Variants in DIABLO observed in about 807,000 individuals in gnomAD.
The protein encoded by DIABLO is diablo IAP-binding mitochondrial protein.
In DIABLO, 32 loss-of-function variants were observed where a neutral mutation model predicts 31.7. That is an observed-to-expected ratio of 1.01 (90% confidence interval 0.76 to 1.35). DIABLO has a LOEUF of 1.35. DIABLO is among the 40% of genes most tolerant of loss of function. The probability of loss-of-function intolerance (pLI) is 0.00; values close to 1 mark genes in which losing one functional copy is unlikely to be tolerated. For missense variants in DIABLO, 316 were observed against 286.4 expected (o/e 1.10, Z -0.75); for synonymous variants, 132 against 103.2 (o/e 1.28, Z -1.69).
intron 5 of DIABLO, chr12:122,209,940 C>A: frequency 1.6e-6 from 1 of 622,744 alleles, no homozygotes; most frequent in South Asian, 1.9e-5. Context: ...TACTTAGATT[C>A]GAATCATAAA....
At chr12:122,217,019 G>A in intron 3 of DIABLO, 150 bp from the exon 4 acceptor site, 2 of 673,628 alleles carry the variant, frequency 3.0e-6, no homozygotes, top group Non-Finnish European at 5.3e-6. Context: ...ATTATCCTAT[G>A]AAGTAAAGGT....
rs752361472 is a variant in DIABLO, at chr12:122,208,400, GCCTCCTGCTCCGACTCAGCCCGCT to G, written c.677_700del (p.Glu226_Glu233del). The G allele has an allele frequency of 4.9e-5, 79 of 1,612,562 alleles. 1 individual carries two copies. In the South Asian group the frequency reaches 8.5e-4, roughly 17 times the overall value. The stretch of plus-strand genomic sequence containing the variant: ...AGGCCCTCAATCCTCACGCAGGTAG[GCCTCCTGCTCCGACTCAGCCCGCT>G]CCTCCCCTTCCTCCTGTGTTTTCTG... On this transcript the variant is annotated inframe_deletion, in exon 6 of 6. Coordinates refer to ENST00000464942, the MANE Select transcript of DIABLO (RefSeq NM_001371333.1).
Position 122,212,025 on chromosome 12 carries a change from G to A in DIABLO, c.524-3448C>T, listed in dbSNP as rs553619933. Among the ~76,000 whole-genome samples the A allele has an allele frequency of 7.3e-4, 107 of 147,572 alleles. 1 individual carries two copies. The highest frequency in any genetic ancestry group is 2.6e-3 in the African/African-American group (103 of 40,044). On this transcript the variant is annotated intron_variant, in intron 5 of 5. Coordinates refer to ENST00000464942, the MANE Select transcript of DIABLO (RefSeq NM_001371333.1). Reference sequence around the variant, plus strand: ...TTTTTTTTTTTTTTAAATTACAGATGGAGTTTTGCCATGTTGGCCAGGCTG... The same window carrying A: ...TTTTTTTTTTTTTTAAATTACAGATAGAGTTTTGCCATGTTGGCCAGGCTG...
At chr12:122,222,698 G>A (rs942653494) in intron 2 of DIABLO, 4 of 152,112 alleles carry the variant, frequency 2.6e-5, no homozygotes, top group African/African-American at 7.2e-5. Flanking sequence ...GTTTCAGGAT[G>A]AAACTGTTCC....
chr12:122,225,638 G>A, intron 1 of DIABLO: 3 of 1,301,322 alleles, frequency 2.3e-6, no homozygotes, highest in Non-Finnish European at 2.0e-6. Context: ...CCCCCATGCC[G>A]TGTCCCTCCT....
intron 5 of DIABLO, among the ~76,000 whole-genome samples, chr12:122,212,101 G>C (rs1358542445): frequency 6.6e-6 from 1 of 151,280 alleles, no homozygotes; most frequent in Non-Finnish European, 1.5e-5. Context: ...CTTCCAAAGT[G>C]CTGGGATCAT....
chr12:122,217,842 G>A (rs1954249439), intron 3 of DIABLO: 1 of 215,108 alleles, frequency 4.6e-6, no homozygotes, highest in Non-Finnish European at 9.4e-6. Context: ...TTTTCTATTA[G>A]GTTAGATCAG....
rs951587640 is a variant in DIABLO, at chr12:122,218,399, T to C, written c.184-2A>G. 2.5e-6 allele frequency: 4 copies of C among 1,614,012 alleles called. No individual in the cohort carries two copies. Among genetic ancestry groups the C allele is most frequent in the Non-Finnish European group, 3.4e-6 (4 of 1,180,028 alleles). On this transcript the variant is annotated splice_acceptor_variant, in intron 2 of 5. Coordinates refer to ENST00000464942, the MANE Select transcript of DIABLO (RefSeq NM_001371333.1). LOFTEE classifies it high-confidence loss of function. ...ACTAAGGGAATGAGGCTCTGATTTCTGAAAGACACAAACATTGTCACTCAA... is the reference window on the plus strand; with the variant it reads ...ACTAAGGGAATGAGGCTCTGATTTCCGAAAGACACAAACATTGTCACTCAA...
rs11290492 is a variant in DIABLO, at chr12:122,212,631, G to GTT, written c.523+3855_523+3856dup. Among the ~76,000 whole-genome samples the GTT allele has an allele frequency of 3.8e-4, 55 of 144,916 alleles. 1 individual carries two copies. The highest frequency in any genetic ancestry group is 3.5e-3 in the Middle Eastern group (1 of 286). On this transcript the variant is annotated intron_variant, in intron 5 of 5. Transcript: ENST00000464942. The stretch of plus-strand genomic sequence containing the variant: ...ATTGTTCGCTTATTTATTTATTTTT[G>GTT]TTTTTTTTTTTGAGATGGAGTCTTG...
intron 1 of DIABLO, chr12:122,225,652 C>T: frequency 7.5e-7 from 1 of 1,338,916 alleles, no homozygotes; most frequent in Non-Finnish European, 9.6e-7. Context: ...CCCTCCTCCT[C>T]TCCACGTCTC....
Position 122,226,029 on chromosome 12 carries a change from A to C in DIABLO, c.-15T>G, listed in dbSNP as rs770137089. On this transcript the variant is annotated 5_prime_UTR_variant, in exon 1 of 6. Transcript: ENST00000464942. ...AGAGCCGCCATTGTGCAGCGCGCGG[A>C]CGCCAGACGCACACGCCGGAAGTGA... is the stretch of plus-strand genomic sequence containing the variant. The C allele has an allele frequency of 5.0e-6, 8 of 1,600,296 alleles. No homozygotes were observed. The African/African-American group carries it at 9.4e-5, about 19-fold the overall frequency.
intron 5 of DIABLO, among the ~76,000 whole-genome samples, chr12:122,212,632 T>C (rs1056567838): frequency 3.6e-5 from 2 of 55,468 alleles, no homozygotes; most frequent in African/African-American, 2.8e-4. Flanking sequence ...TTTATTTTTG[T>C]TTTTTTTTTT....
At chr12:122,216,687 CTT>C in intron 4 of DIABLO, 70 bp downstream of exon 4, 2 of 1,543,124 alleles carry the variant, frequency 1.3e-6, no homozygotes, top group East Asian at 2.2e-5. Flanking sequence ...ATTGATTAGA[CTT>C]AATTCAATAA....
Position 122,216,744 on chromosome 12 carries a change from G to T in DIABLO, c.426+15C>A, listed in dbSNP as rs914932075. ...AGGTGCACTAACACAGAAATGCCTA[G>T]AACTTTCTGCTTACCTCAGCTCTGG... On this transcript the variant is annotated intron_variant, in intron 4 of 5. Transcript: ENST00000464942. The T allele has an allele frequency of 6.2e-7, 1 of 1,611,490 alleles. No homozygotes were observed. The highest frequency in any genetic ancestry group is 1.1e-5 in the South Asian group (1 of 91,016).
At chr12:122,226,285 G>C (rs1212953080), upstream of DIABLO, 1 of 682,476 alleles carries the variant, frequency 1.5e-6, no homozygotes, top group South Asian at 1.6e-5. Flanking sequence ...GCGCGGAGCT[G>C]AGTCGGGCGC....
At position 122,214,124 on chromosome 12, in the gene DIABLO, A is replaced by G. The variant is rs973682283; in HGVS notation, c.523+2364T>C. On this transcript the variant is annotated intron_variant, in intron 5 of 5. Coordinates refer to ENST00000464942, the MANE Select transcript of DIABLO (RefSeq NM_001371333.1). ...AAAAAAACTAACAACAACAAAAAAA[A>G]CCTTCTAAAAGAATTATTTTTTGTT... Among the ~76,000 whole-genome samples the G allele has an allele frequency of 2.0e-5, 3 of 152,206 alleles. 1 individual carries two copies. Among genetic ancestry groups the G allele is most frequent in the Middle Eastern group, 6.8e-3 (2 of 294 alleles).
intron 1 of DIABLO, 31 bp from the exon 2 acceptor site, chr12:122,224,675 C>T: frequency 6.2e-7 from 1 of 1,613,996 alleles, no homozygotes; most frequent in Non-Finnish European, 8.5e-7. Flanking sequence ...TCATAAGGCA[C>T]GACCGCCAAT....
chr12:122,226,084 G>T (rs1288242851), upstream of DIABLO: 3 of 1,553,098 alleles, frequency 1.9e-6, no homozygotes, highest in South Asian at 2.3e-5. Flanking sequence ...AGCGGGGCAC[G>T]GCCTCCACCT....
intron 5 of DIABLO, among the ~76,000 whole-genome samples, chr12:122,214,787 C>G (rs930800509): frequency 1.3e-5 from 2 of 152,084 alleles, no homozygotes; most frequent in Non-Finnish European, 2.9e-5. Context: ...GCCATCTAGG[C>G]TCACTGCAGC....
Sources: allele counts gnomAD v4.1 joint callset (sites outside exome capture counted in the v4.1 genomes callset), GRCh38; gene constraint gnomAD v4.1.1; transcripts MANE v1.5; gene names NCBI Gene and HGNC (gene_info 2026-07-23, HGNC 2026-07-21).